Variants in EZR observed in about 807,000 individuals in gnomAD.
The protein encoded by EZR is cytovillin 2.
EZR carries 40 observed loss-of-function variants against 74.8 expected under a neutral mutation model. The observed-to-expected ratio is 0.53, with a 90% CI of 0.42 to 0.70. The LOEUF (loss-of-function observed/expected upper bound fraction) is 0.70, where lower values mean the gene tolerates loss of function less well. Ranked by LOEUF, EZR falls within the 30% of genes least tolerant of loss-of-function variation. EZR has a pLI of 0.00. For missense variants in EZR, 678 were observed against 755.8 expected (o/e 0.90, Z 1.21); for synonymous variants, 341 against 283.3 (o/e 1.20, Z -2.05).
chr6:158,786,978 G>A, intron 4 of EZR, 130 bp downstream of exon 4: 1 of 679,724 alleles, frequency 1.5e-6, no homozygotes, highest in East Asian at 2.8e-5. Flanking sequence ...CAACCTTTTT[G>A]TCTGTAAAAA....
intron 8 of EZR, 134 bp from the exon 9 acceptor site, chr6:158,771,541 C>A (rs1791111385): frequency 1.0e-6 from 1 of 972,838 alleles, no homozygotes; most frequent in African/African-American, 1.7e-5. Flanking sequence ...CATCTCGGCA[C>A]TAGGAATGTG....
chr6:158,813,906 G>C (rs1777498309), intron 2 of EZR, among the ~76,000 whole-genome samples: 1 of 152,126 alleles, frequency 6.6e-6, no homozygotes, highest in South Asian at 2.1e-4. Context: ...TTTCCTTCCA[G>C]AGCTTAACTA....
At chr6:158,773,462 C>T (rs1240422913) in intron 8 of EZR, among the ~76,000 whole-genome samples, 1 of 152,230 alleles carries the variant, frequency 6.6e-6, no homozygotes, top group Non-Finnish European at 1.5e-5. Context: ...ATGCAGCTTC[C>T]TGATGCAGAA....
rs764034340 is a variant in EZR, at chr6:158,787,089, A to T, written c.192+19T>A. 1.2e-6 allele frequency: 2 copies of T among 1,602,440 alleles called. No homozygotes were observed. Among genetic ancestry groups the T allele is most frequent in the Non-Finnish European group, 1.7e-6 (2 of 1,169,642 alleles). Reference sequence around the variant, plus strand: ...CCAACACCCAATCCACAGCCTGTAAATAGTTAATCCTGACTTGCCTTCTTA... The same window carrying T: ...CCAACACCCAATCCACAGCCTGTAATTAGTTAATCCTGACTTGCCTTCTTA... On this transcript the variant is annotated intron_variant, in intron 4 of 13. Transcript: ENST00000367075.
At chr6:158,768,390 GT>G (rs3837013) in intron 12 of EZR, among the ~76,000 whole-genome samples, 62,703 of 151,760 alleles carry the variant, frequency 0.41, 13,527 homozygotes, top group Non-Finnish European at 0.48. Flanking sequence ...CTTTATAGCC[GT>G]TGTGAGAACA....
At position 158,766,681 on chromosome 6, in the gene EZR, G is replaced by C; in HGVS notation, c.*233C>G. On this transcript the variant is annotated 3_prime_UTR_variant, in exon 14 of 14. Transcript: ENST00000367075. ...TCCTGCTCCCAGCACAACACAGGAGGTGATTCGAGAATAATCGCGAGAATC... is the reference window on the plus strand; with the variant it reads ...TCCTGCTCCCAGCACAACACAGGAGCTGATTCGAGAATAATCGCGAGAATC... 1.8e-6 allele frequency: 1 copy of C among 567,202 alleles called. No individual in the cohort carries two copies. Among genetic ancestry groups the C allele is most frequent in the East Asian group, 3.0e-5 (1 of 33,688 alleles). The allele number at this position is 567,202 out of a possible 1,614,324, so 35.1% of individuals were successfully genotyped here.
chr6:158,801,734 A>G (rs758084536), intron 2 of EZR, among the ~76,000 whole-genome samples: 2 of 152,088 alleles, frequency 1.3e-5, no homozygotes, highest in Non-Finnish European at 2.9e-5. Context: ...TATAACCAGC[A>G]CTCCCCACAG....
In EZR at chr6:158,766,297, G is replaced by GC. The variant is rs755881410; in HGVS notation, c.*616dup. ...GTACAATGTATTCTAAAACTGTTAAGCAAAAAAAAAAAAAACAAAAAAAAA... is the reference window on the plus strand; with the variant it reads ...GTACAATGTATTCTAAAACTGTTAAGCCAAAAAAAAAAAAAACAAAAAAAAA... On this transcript the variant is annotated 3_prime_UTR_variant, in exon 14 of 14. Transcript: ENST00000367075. 0.056 allele frequency: 5,630 copies of GC among 101,028 alleles called. 154 individuals are homozygous for GC. The highest frequency in any genetic ancestry group is 0.068 in the Non-Finnish European group (3,192 of 46,718). The allele number at this position is 101,028 out of a possible 1,614,324, so 6.3% of individuals were successfully genotyped here.
rs773541512 is a variant in EZR at position 158,771,431 on chromosome 6, T to C, written c.796-24A>G. 6 of 1,561,264 alleles carry C rather than the reference T, an allele frequency of 3.8e-6. No homozygotes were observed. The East Asian group carries it at 1.4e-4, about 35-fold the overall frequency. ...TCCTACAAAACAGAACAGGGCCACC[T>C]GGACTCAAGCTCCTTCGTTTGGTTT... is the stretch of plus-strand genomic sequence containing the variant. On this transcript the variant is annotated intron_variant, in intron 8 of 13. Coordinates refer to ENST00000367075, the MANE Select transcript of EZR (RefSeq NM_001111077.2).
intron 11 of EZR, 115 bp downstream of exon 11, chr6:158,769,669 C>T (rs2128564558): frequency 1.1e-5 from 16 of 1,434,830 alleles, no homozygotes; most frequent in Non-Finnish European, 1.5e-5. Flanking sequence ...AGCCCCCCAG[C>T]AGATCAGTTT....
At chr6:158,768,476 G>C (rs3102977) in intron 12 of EZR, among the ~76,000 whole-genome samples, 38,358 of 151,994 alleles carry the variant, frequency 0.25, 5,078 homozygotes, top group African/African-American at 0.28. Context: ...CAGCCCTGGA[G>C]AGCCGGGAGA....
intron 2 of EZR, among the ~76,000 whole-genome samples, chr6:158,809,242 A>C (rs1284942258): frequency 2.0e-5 from 3 of 152,196 alleles, no homozygotes; most frequent in Non-Finnish European, 4.4e-5. Context: ...ATGGAGCTGT[A>C]CTTTAGACAG....
At chr6:158,792,031 G>A (rs190207743) in intron 2 of EZR, among the ~76,000 whole-genome samples, 1 of 151,936 alleles carries the variant, frequency 6.6e-6, no homozygotes, top group African/African-American at 2.4e-5. Context: ...CTAAACCTGA[G>A]TCTCTTCTAA....
intron 2 of EZR, among the ~76,000 whole-genome samples, chr6:158,802,885 C>A (rs1174556151): frequency 3.3e-5 from 5 of 152,192 alleles, no homozygotes; most frequent in Non-Finnish European, 7.3e-5. Flanking sequence ...TCGAATACAG[C>A]ATCCAGCCCA....
chr6:158,792,662 A>G (rs1025001955), intron 2 of EZR, among the ~76,000 whole-genome samples: 10 of 152,168 alleles, frequency 6.6e-5, no homozygotes, highest in Middle Eastern at 3.4e-3. Context: ...TACTAAAAAT[A>G]GAAAAGATTA....
intron 2 of EZR, among the ~76,000 whole-genome samples, chr6:158,817,832 C>T (rs1777591920): frequency 6.6e-6 from 1 of 151,970 alleles, no homozygotes; most frequent in African/African-American, 2.4e-5. Context: ...TAGAAAAGAC[C>T]GTAACTACTG....
chr6:158,805,228 A>G (rs1405237635), intron 2 of EZR, among the ~76,000 whole-genome samples: 1 of 150,248 alleles, frequency 6.7e-6, no homozygotes, highest in Non-Finnish European at 1.5e-5. Context: ...AATCCCAGCT[A>G]CTCGTGGGGC....
chr6:158,789,187 T>C, intron 3 of EZR, 101 bp downstream of exon 3: 1 of 799,022 alleles, frequency 1.3e-6, no homozygotes, highest in South Asian at 1.7e-5. Context: ...TTACCTCAAG[T>C]GAGTAAAACA....
intron 2 of EZR, among the ~76,000 whole-genome samples, chr6:158,811,258 C>T (rs943650095): frequency 6.6e-5 from 10 of 152,284 alleles, no homozygotes; most frequent in Middle Eastern, 3.4e-3. Flanking sequence ...AAGGTAGTTA[C>T]TACTGAAATG....
Sources: gnomAD v4.1 joint callset for allele counts (sites outside exome capture counted in the v4.1 genomes callset) on GRCh38, gnomAD v4.1.1 for gene constraint, MANE v1.5 for transcripts, NCBI Gene and HGNC (gene_info 2026-07-23, HGNC 2026-07-21) for gene names.